Variants in RAB31 observed in about 807,000 individuals in gnomAD.
RAB31 encodes the protein ras-related protein Rab-31.
In RAB31, 21 loss-of-function variants were observed where a neutral mutation model predicts 25.6. That is an observed-to-expected ratio of 0.82 (90% CI 0.58 to 1.18). The LOEUF is 1.18. RAB31 is among the 50% of genes most tolerant of loss of function. The pLI, the probability that RAB31 is intolerant of heterozygous loss-of-function variation, is 0.00. For missense variants in RAB31, 196 were observed against 250.1 expected, an observed-to-expected ratio of 0.78 and a Z score of 1.46; for synonymous variants, 87 against 84.0, an observed-to-expected ratio of 1.04 and a Z score of -0.20.
intron 5 of RAB31, among the ~76,000 whole-genome samples, chr18:9,820,783 C>G (rs1322352747): frequency 6.6e-6 from 1 of 151,992 alleles, no homozygotes; most frequent in Non-Finnish European, 1.5e-5. Context: ...TGAAACTTCT[C>G]TCTTTTTTTC....
intron 1 of RAB31, among the ~76,000 whole-genome samples, chr18:9,720,573 A>G (rs946710992): frequency 6.6e-6 from 1 of 151,534 alleles, no homozygotes; most frequent in Non-Finnish European, 1.5e-5. Context: ...CTTCACTTAC[A>G]TGAGACACAC....
chr18:9,854,727 TC>T (rs1281981565), intron 6 of RAB31, among the ~76,000 whole-genome samples: 1 of 152,136 alleles, frequency 6.6e-6, no homozygotes, highest in East Asian at 1.9e-4. Flanking sequence ...CATGTGTGTG[TC>T]CCCCAGTTCT....
chr18:9,738,299 A>G (rs1469094272), intron 1 of RAB31, among the ~76,000 whole-genome samples: 1 of 152,128 alleles, frequency 6.6e-6, no homozygotes, highest in East Asian at 1.9e-4. Flanking sequence ...ATGGACTGAT[A>G]GCTGGCAGCC....
Position 9,708,391 on chromosome 18 carries a change from C to T in RAB31, c.-15C>T, listed in dbSNP as rs373780881. On this transcript the variant is annotated 5_prime_UTR_variant, in exon 1 of 7. Transcript: ENST00000578921. The surrounding 1 kb of genome is among the most constrained non-coding windows in gnomAD (Gnocchi z 6.4). ...AGGATGCTGCTGAGCCCCGGCACTGCCTGGCTGCGAGCACATGATGGCGAT... is the reference window on the plus strand; with the variant it reads ...AGGATGCTGCTGAGCCCCGGCACTGTCTGGCTGCGAGCACATGATGGCGAT... 3.2e-6 allele frequency: 5 copies of T among 1,558,780 alleles called. No individual in the cohort carries two copies. The highest frequency in any genetic ancestry group is 4.3e-6 in the Non-Finnish European group (5 of 1,153,750).
chr18:9,827,367 A>G lies in RAB31; in HGVS notation c.380+12145A>G, dbSNP rs536840581. ...AGTGGTAGCAGTGGGAAGTTACCCAACAACAGTGACGATGGGGGCTGGGTT... is the reference window on the plus strand; with the variant it reads ...AGTGGTAGCAGTGGGAAGTTACCCAGCAACAGTGACGATGGGGGCTGGGTT... On this transcript the variant is annotated intron_variant, in intron 5 of 6. Coordinates refer to ENST00000578921, the MANE Select transcript of RAB31 (RefSeq NM_006868.4). Among the ~76,000 whole-genome samples, 7 of 152,168 alleles carry G rather than the reference A, an allele frequency of 4.6e-5. No individual in the cohort carries two copies. The East Asian group carries it at 1.4e-3, about 30-fold the overall frequency.
intron 5 of RAB31, among the ~76,000 whole-genome samples, chr18:9,834,078 A>C (rs1323891022): frequency 2.0e-5 from 3 of 152,126 alleles, no homozygotes; most frequent in Non-Finnish European, 4.4e-5. Flanking sequence ...CAAATTATAT[A>C]GTCTTTTGTC....
At chr18:9,810,324 G>A (rs941491916) in intron 3 of RAB31, among the ~76,000 whole-genome samples, 2 of 152,298 alleles carry the variant, frequency 1.3e-5, no homozygotes, top group Middle Eastern at 3.4e-3. Context: ...CATTCCATCA[G>A]TCTTATTTCT....
intron 6 of RAB31, among the ~76,000 whole-genome samples, chr18:9,856,540 A>G (rs1229884164): frequency 6.6e-6 from 1 of 152,232 alleles, no homozygotes; most frequent in Non-Finnish European, 1.5e-5. Context: ...GGAGGGCTAA[A>G]AAGCTAATGC....
At chr18:9,794,872 C>T (rs1599041593) in intron 3 of RAB31, among the ~76,000 whole-genome samples, 1 of 151,824 alleles carries the variant, frequency 6.6e-6, no homozygotes, top group Admixed American at 6.6e-5. Flanking sequence ...TCATTCTTCA[C>T]AGAACTAGAA....
At chr18:9,817,517 C>T (rs2068604920) in intron 5 of RAB31, among the ~76,000 whole-genome samples, 1 of 152,008 alleles carries the variant, frequency 6.6e-6, no homozygotes, top group African/African-American at 2.4e-5. Context: ...GTCTAAAATG[C>T]CAGGGAGGAA....
chr18:9,764,526 T>G (rs2068305418), intron 1 of RAB31, among the ~76,000 whole-genome samples: 1 of 152,172 alleles, frequency 6.6e-6, no homozygotes, highest in Non-Finnish European at 1.5e-5. Flanking sequence ...AAGCCATCTC[T>G]CCTCCCCTTG....
At chr18:9,775,464 A>C in intron 2 of RAB31, 107 bp downstream of exon 2, 1 of 1,533,044 alleles carries the variant, frequency 6.5e-7, no homozygotes. Context: ...TTTTCATCCC[A>C]GCCAGTGAGA....
intron 1 of RAB31, among the ~76,000 whole-genome samples, chr18:9,739,385 T>A (rs1369092030): frequency 1.3e-5 from 2 of 152,098 alleles, no homozygotes; most frequent in Non-Finnish European, 2.9e-5. Context: ...GGCAGGAGAA[T>A]GGCGTGAACC....
At chr18:9,776,951 A>G (rs1239888480) in intron 2 of RAB31, among the ~76,000 whole-genome samples, 2 of 152,228 alleles carry the variant, frequency 1.3e-5, no homozygotes, top group African/African-American at 4.8e-5. Context: ...GCTCAAAGGT[A>G]ATACTCAAAA....
chr18:9,738,163 C>A (rs2068159892), intron 1 of RAB31, among the ~76,000 whole-genome samples: 1 of 152,206 alleles, frequency 6.6e-6, no homozygotes. Context: ...GGCAGACAGA[C>A]CCCCTGGCGA....
At chr18:9,821,339 C>T (rs1447648839) in intron 5 of RAB31, among the ~76,000 whole-genome samples, 1 of 152,042 alleles carries the variant, frequency 6.6e-6, no homozygotes, top group Admixed American at 6.6e-5. Context: ...GCTATTCTCC[C>T]TTAGAGAGAA....
At chr18:9,715,993 T>C (rs368875308) in intron 1 of RAB31, among the ~76,000 whole-genome samples, 6 of 152,218 alleles carry the variant, frequency 3.9e-5, no homozygotes, top group Non-Finnish European at 8.8e-5. Context: ...ATCCCCTAAA[T>C]TGAACATGAA....
At chr18:9,768,168 T>G (rs569526351) in intron 1 of RAB31, among the ~76,000 whole-genome samples, 1 of 152,222 alleles carries the variant, frequency 6.6e-6, no homozygotes, top group East Asian at 1.9e-4. Context: ...TAAACATACG[T>G]GTGCATGTGT....
Position 9,811,851 on chromosome 18 carries a change from A to G in RAB31, c.202-2169A>G, listed in dbSNP as rs531420508. ...CAGTATGTCAAAGATCTCTTTTCCT[A>G]TAAATAAAAATCATCATTTTAATGG... On this transcript the variant is annotated intron_variant, in intron 3 of 6. Transcript: ENST00000578921. Among the ~76,000 whole-genome samples, 3 of 152,374 alleles carry G rather than the reference A, an allele frequency of 2.0e-5. No homozygotes were observed. In the East Asian group the frequency reaches 5.8e-4, roughly 29 times the overall value.
Sources: gnomAD v4.1 joint callset for allele counts (sites outside exome capture counted in the v4.1 genomes callset) on GRCh38, gnomAD v4.1.1 for gene constraint, Gnocchi (gnomAD v3.1) non-coding constraint, MANE v1.5 for transcripts, NCBI Gene and HGNC (gene_info 2026-07-23, HGNC 2026-07-21) for gene names.